The following SLC4A4 variants were observed in gnomAD, a reference collection of about 807,000 sequenced individuals.
SLC4A4 encodes the protein electrogenic sodium bicarbonate cotransporter 1.
In SLC4A4, 27 loss-of-function variants were observed where a neutral mutation model predicts 111.5. That is an observed-to-expected ratio of 0.24 (90% CI 0.18 to 0.33). SLC4A4 has a LOEUF of 0.33. SLC4A4 is among the 10% of genes least tolerant of loss of function. The probability of loss-of-function intolerance (pLI) is 1.00; values close to 1 mark genes in which losing one functional copy is unlikely to be tolerated. For missense variants in SLC4A4, 909 were observed against 1,315.5 expected (o/e 0.69, Z 4.78); for synonymous variants, 443 against 463.4 (o/e 0.96, Z 0.57).
rs1192565829 is a variant in SLC4A4, at chr4:71,569,715, C to T, written c.*1964C>T. ...TTGATAATATGCACTTATTGACTCC[C>T]ACTCATTGTTATGTTAATTAAGTTA... On this transcript the variant is annotated 3_prime_UTR_variant, in exon 26 of 26. Coordinates refer to ENST00000264485, the MANE Select transcript of SLC4A4 (RefSeq NM_001098484.3). 1 of 151,596 alleles carries T rather than the reference C, an allele frequency of 6.6e-6. No homozygotes were observed. The highest frequency in any genetic ancestry group is 6.6e-5 in the Admixed American group (1 of 15,176). The allele number at this position is 151,596 out of a possible 1,614,324, so 9.4% of individuals were successfully genotyped here.
intron 1 of SLC4A4, among the ~76,000 whole-genome samples, chr4:71,207,086 TGA>T (rs1717818139): frequency 6.6e-6 from 1 of 152,200 alleles, no homozygotes; most frequent in Non-Finnish European, 1.5e-5. Context: ...TAGTGTATAT[TGA>T]GAACAGTACC....
intron 2 of SLC4A4, among the ~76,000 whole-genome samples, chr4:71,171,337 C>A (rs1744934596): frequency 6.6e-6 from 1 of 152,010 alleles, no homozygotes; most frequent in Non-Finnish European, 1.5e-5. Context: ...TCTTTATGTA[C>A]CTCCTACAGG....
At chr4:71,382,868 C>T (rs949959448) in intron 6 of SLC4A4, among the ~76,000 whole-genome samples, 1 of 152,146 alleles carries the variant, frequency 6.6e-6, no homozygotes, top group Non-Finnish European at 1.5e-5. Context: ...TGGGAAAGTT[C>T]TAGTAGTGCT....
chr4:71,536,181 T>G (rs1734401673), intron 18 of SLC4A4, among the ~76,000 whole-genome samples: 1 of 151,768 alleles, frequency 6.6e-6, no homozygotes, highest in Non-Finnish European at 1.5e-5. Context: ...TAAATGGTTA[T>G]ATCTGCAACT....
At chr4:71,301,593 C>A (rs149534746) in intron 3 of SLC4A4, among the ~76,000 whole-genome samples, 200 of 152,392 alleles carry the variant, frequency 1.3e-3, no homozygotes, top group East Asian at 0.013. Context: ...CTGCCTCCCT[C>A]ATAGCATCTA....
chr4:71,308,876 C>T (rs1471737729), intron 3 of SLC4A4, among the ~76,000 whole-genome samples: 2 of 152,142 alleles, frequency 1.3e-5, no homozygotes, highest in Non-Finnish European at 2.9e-5. Context: ...CCCAGTGAGA[C>T]AAAACCGTTT....
chr4:71,524,784 T>C (rs762634555), intron 16 of SLC4A4, among the ~76,000 whole-genome samples: 1 of 152,240 alleles, frequency 6.6e-6, no homozygotes, highest in Non-Finnish European at 1.5e-5. Context: ...TCATGTAAAA[T>C]AAATGCTTTT....
intron 1 of SLC4A4, among the ~76,000 whole-genome samples, chr4:71,231,406 C>G (rs550965930): frequency 6.6e-6 from 1 of 152,178 alleles, no homozygotes; most frequent in Non-Finnish European, 1.5e-5. Flanking sequence ...GTCACCCTTA[C>G]GAGCCTGCTC....
At chr4:71,066,736 G>A (rs111324254) in intron 1 of SLC4A4, among the ~76,000 whole-genome samples, 1,786 of 152,220 alleles carry the variant, frequency 0.012, 38 homozygotes, top group African/African-American at 0.041. Flanking sequence ...GCTCAGAATC[G>A]ATAGAATCCC....
chr4:71,120,979 C>T (rs556392616), intron 2 of SLC4A4, among the ~76,000 whole-genome samples: 1 of 152,336 alleles, frequency 6.6e-6, no homozygotes, highest in Admixed American at 6.5e-5. Context: ...CGGGCCAGCA[C>T]GAGTTCCGGG....
chr4:71,221,796 C>A (rs1232856492), intron 1 of SLC4A4, among the ~76,000 whole-genome samples: 2 of 152,084 alleles, frequency 1.3e-5, no homozygotes, highest in African/African-American at 2.4e-5. Context: ...TTGCTCAGCA[C>A]CTTCACAAGG....
chr4:71,411,014 G>A (rs1721316407), intron 7 of SLC4A4, among the ~76,000 whole-genome samples: 1 of 152,158 alleles, frequency 6.6e-6, no homozygotes, highest in African/African-American at 2.4e-5. Flanking sequence ...ACAGGTTTTT[G>A]TGCTGAAAGA....
intron 16 of SLC4A4, among the ~76,000 whole-genome samples, chr4:71,503,059 T>C (rs564632231): frequency 6.6e-5 from 10 of 152,278 alleles, no homozygotes; most frequent in African/African-American, 1.7e-4. Context: ...ATCGATTCTT[T>C]TATTATTATA....
intron 11 of SLC4A4, among the ~76,000 whole-genome samples, 184 bp from the exon 12 acceptor site, chr4:71,453,311 G>T (rs1450195956): frequency 3.9e-5 from 6 of 152,186 alleles, no homozygotes; most frequent in African/African-American, 1.4e-4. Flanking sequence ...GACCCAAAAA[G>T]AAAGAGATAG....
intron 19 of SLC4A4, among the ~76,000 whole-genome samples, 195 bp from the exon 20 acceptor site, chr4:71,547,452 GT>G (rs1735633267): frequency 6.6e-6 from 1 of 151,990 alleles, no homozygotes; most frequent in African/African-American, 2.4e-5. Context: ...ACATATTGCA[GT>G]CACTTTAAGA....
chr4:71,461,215 C>T (rs895425455), intron 12 of SLC4A4, among the ~76,000 whole-genome samples: 7 of 152,146 alleles, frequency 4.6e-5, no homozygotes, highest in African/African-American at 7.2e-5. Context: ...GCCTGAAACA[C>T]GACAGTAATG....
At chr4:71,168,917 G>C (rs970379289) in intron 2 of SLC4A4, among the ~76,000 whole-genome samples, 14 of 152,292 alleles carry the variant, frequency 9.2e-5, no homozygotes, top group Non-Finnish European at 1.8e-4. Context: ...ATAAACATGG[G>C]CATGCAGATA....
At chr4:71,440,544 CT>C in intron 7 of SLC4A4, 71 bp from the exon 8 acceptor site, 2 of 1,570,742 alleles carry the variant, frequency 1.3e-6, no homozygotes, top group Non-Finnish European at 1.8e-6. Context: ...TTGTTCCCTT[CT>C]CTGGAACTAA....
intron 1 of SLC4A4, among the ~76,000 whole-genome samples, chr4:71,091,456 T>C (rs959190347): frequency 3.9e-5 from 6 of 151,930 alleles, no homozygotes. Context: ...GGTTTCACTG[T>C]GTTAGCCATG....
Sources: allele counts gnomAD v4.1 joint callset (sites outside exome capture counted in the v4.1 genomes callset), GRCh38; gene constraint gnomAD v4.1.1; transcripts MANE v1.5; gene names NCBI Gene and HGNC (gene_info 2026-07-23, HGNC 2026-07-21).